The following TET3 variants were observed in gnomAD, a reference collection of about 807,000 sequenced individuals.
The protein encoded by TET3 is methylcytosine dioxygenase TET3.
Under a neutral mutation model 141.4 loss-of-function variants are expected in TET3, and 19 were observed. That is an observed-to-expected ratio of 0.13 (90% CI 0.09 to 0.20). TET3 has a LOEUF of 0.20. TET3 is among the 10% of genes least tolerant of loss of function. The probability of loss-of-function intolerance (pLI) is 1.00; values close to 1 mark genes in which losing one functional copy is unlikely to be tolerated. For synonymous variants in TET3, 1,043 were observed against 980.9 expected (o/e 1.06, Z -1.18); for missense variants, 1,874 against 2,356.9 (o/e 0.80, Z 4.24).
chr2:74,041,238 TC>T (rs1400481991), intron 3 of TET3, among the ~76,000 whole-genome samples: 1 of 152,176 alleles, frequency 6.6e-6, no homozygotes. Flanking sequence ...TCTAATTCCA[TC>T]CCTTAAGGCC....
intron 3 of TET3, among the ~76,000 whole-genome samples, chr2:74,010,807 A>G (rs1302692339): frequency 6.6e-6 from 1 of 152,268 alleles, no homozygotes; most frequent in Non-Finnish European, 1.5e-5. Flanking sequence ...GAAGACAGAC[A>G]TGTCAGACCA....
At chr2:74,123,682 G>A in the TET3 span, among the ~76,000 whole-genome samples, 6 of 152,084 alleles carry the variant, frequency 3.9e-5, no homozygotes, top group Non-Finnish European at 5.9e-5. Flanking sequence ...CCACCACCCC[G>A]TCTGGGAAGT....
rs1459261161 is a variant in TET3 at position 74,046,995 on chromosome 2, A to C, written c.1078A>C (p.Ile360Leu). Residue 360 changes from isoleucine (I) to leucine (L), a missense_variant, in exon 4 of 12, where the codon ATT becomes CTT. This residue lies in a region of TET3 where 366 missense variants were observed against 487.0 expected (regional missense o/e 0.75). Coordinates refer to ENST00000409262, the MANE Select transcript of TET3 (RefSeq NM_001287491.2). This position sits in a 1 kb window ranked among gnomAD's most constrained non-coding sequence, Gnocchi z 4.3. The stretch of plus-strand genomic sequence containing the variant: ...CATCAGCTTGCAGACCGCCATTGCC[A>C]TTGAGGCCCTCACACAGCTCTCCTC... ...KNISLQTAIA[I>L]EALTQLSSAL... is the part of the protein sequence containing the mutation. 6.2e-7 allele frequency: 1 copy of C among 1,613,784 alleles called. No individual in the cohort carries two copies. Among genetic ancestry groups the C allele is most frequent in the Non-Finnish European group, 8.5e-7 (1 of 1,179,852 alleles).
In TET3 at chr2:74,100,626, G is replaced by A. The variant is rs369960930; in HGVS notation, c.3838G>A (p.Ala1280Thr). The part of the protein sequence containing the change: ...TSVNGFHSKY[A>T]LPSFSYYGFP... Reference sequence around the variant, plus strand: ...CGTCAATGGCTTCCACTCCAAGTACGCTCTCCCGTCTTTTAGCTACTATGG... The same window carrying A: ...CGTCAATGGCTTCCACTCCAAGTACACTCTCCCGTCTTTTAGCTACTATGG... Residue 1280 changes from alanine to threonine, a missense_variant, in exon 12 of 12, where the codon GCT becomes ACT. Ala to Thr is a moderately conservative substitution (Grantham distance 58). Around this residue, in one of 10 missense-constraint regions of TET3, gnomAD observed 602 missense variants for 590.2 expected, o/e 1.02. Coordinates refer to ENST00000409262, the MANE Select transcript of TET3 (RefSeq NM_001287491.2). 3.1e-6 allele frequency: 5 copies of A among 1,613,950 alleles called. No homozygotes were observed. Among genetic ancestry groups the A allele is most frequent in the African/African-American group, 1.3e-5 (1 of 75,048 alleles).
At chr2:74,007,374 T>C (rs193076805) in intron 3 of TET3, among the ~76,000 whole-genome samples, 1 of 152,170 alleles carries the variant, frequency 6.6e-6, no homozygotes, top group South Asian at 2.1e-4. Flanking sequence ...GTTTCCCGGA[T>C]CTAGCAATGA....
intron 10 of TET3, among the ~76,000 whole-genome samples, chr2:74,094,489 G>A (rs774612936): frequency 2.4e-4 from 36 of 152,220 alleles, no homozygotes; most frequent in Admixed American, 9.2e-4. Flanking sequence ...TCTCAGCTGG[G>A]CAGCAGTAAG....
the TET3 span, among the ~76,000 whole-genome samples, chr2:74,117,136 A>G: frequency 6.6e-6 from 1 of 152,134 alleles, no homozygotes; most frequent in South Asian, 2.1e-4. Context: ...GAGATAAATC[A>G]GGATTTGTTT....
At chr2:74,133,728 C>T in the TET3 span, among the ~76,000 whole-genome samples, 7 of 152,320 alleles carry the variant, frequency 4.6e-5, no homozygotes, top group South Asian at 2.1e-4. Flanking sequence ...CTGCAGGTCA[C>T]TTTCACTTTA....
Position 74,038,827 on chromosome 2 carries a change from G to T in TET3, c.361-7451G>T, listed in dbSNP as rs368642014. Among the ~76,000 whole-genome samples the T allele has an allele frequency of 1.1e-4, 17 of 152,320 alleles. No homozygotes were observed. The East Asian group carries it at 2.7e-3, about 24-fold the overall frequency. The stretch of plus-strand genomic sequence containing the variant: ...CTTACGAAAAGATCCCTAACAGAAC[G>T]TGGCTGTGCACGGTAACTGTAGGCT... On this transcript the variant is annotated intron_variant, in intron 3 of 11. Transcript: ENST00000409262.
intron 7 of TET3, 89 bp from the exon 8 acceptor site, chr2:74,089,807 GC>G: frequency 6.6e-7 from 1 of 1,525,582 alleles, no homozygotes; most frequent in Non-Finnish European, 8.9e-7. Context: ...GGGTGCCAGG[GC>G]TCAGCAGGGC....
intron 7 of TET3, among the ~76,000 whole-genome samples, chr2:74,089,221 C>T (rs1690339487): frequency 6.6e-6 from 1 of 151,950 alleles, no homozygotes; most frequent in Non-Finnish European, 1.5e-5. Context: ...AGGTTTACCT[C>T]TGTGAGAATG....
the TET3 span, chr2:74,135,395 A>T: frequency 1.1e-6 from 1 of 871,178 alleles, no homozygotes; most frequent in Non-Finnish European, 1.8e-6. Context: ...CTGAAACATT[A>T]CTAATGACCC....
At chr2:73,996,852 A>C (rs748745016) in intron 2 of TET3, among the ~76,000 whole-genome samples, 3 of 152,202 alleles carry the variant, frequency 2.0e-5, no homozygotes, top group African/African-American at 4.8e-5. Flanking sequence ...GGGATCGAAA[A>C]GAAGGCCGGC....
chr2:74,046,195 A>C lies in TET3; in HGVS notation c.361-83A>C. ...CAAGAAAAGTTGGGGTCAGATGTGC[A>C]CCTGAGTGGTATGAAGCAGGGAAAT... On this transcript the variant is annotated intron_variant, in intron 3 of 11. Transcript: ENST00000409262. The surrounding 1 kb of genome is among the most constrained non-coding windows in gnomAD (Gnocchi z 4.3). The C allele has an allele frequency of 7.7e-7, 1 of 1,301,352 alleles. No individual in the cohort carries two copies. Among genetic ancestry groups the C allele is most frequent in the Non-Finnish European group, 1.0e-6 (1 of 989,178 alleles). 80.6% of individuals were successfully genotyped at this position (1,301,352 alleles called of 1,614,324 possible).
At chr2:73,992,875 C>T (rs1006292152) in intron 2 of TET3, among the ~76,000 whole-genome samples, 3 of 152,124 alleles carry the variant, frequency 2.0e-5, no homozygotes, top group African/African-American at 7.2e-5. Flanking sequence ...TTTGAGGGTG[C>T]TTGTGGTTCT....
At chr2:74,048,642 A>G (rs1215860105) in intron 4 of TET3, among the ~76,000 whole-genome samples, 1 of 152,200 alleles carries the variant, frequency 6.6e-6, no homozygotes, top group African/African-American at 2.4e-5. Flanking sequence ...GTGCTTTAAT[A>G]CACAAATGGA....
chr2:74,121,130 T>C, the TET3 span: 2 of 151,892 alleles, frequency 1.3e-5, no homozygotes, highest in African/African-American at 4.8e-5. Flanking sequence ...TAAAAACACG[T>C]TTTTAAAAGT....
chr2:74,061,220 G>A (rs7574332), intron 4 of TET3, among the ~76,000 whole-genome samples: 26,400 of 135,216 alleles, frequency 0.2, 2,715 homozygotes, highest in Non-Finnish European at 0.25. Flanking sequence ...CCTCCCGGAC[G>A]GGGTGGCTGG....
the TET3 span, chr2:74,120,553 G>A: frequency 6.6e-6 from 1 of 152,354 alleles, no homozygotes; most frequent in Admixed American, 6.5e-5. Flanking sequence ...GGGTTCTTCC[G>A]GCCATCTTGT....
Sources: gnomAD v4.1 joint callset for allele counts (sites outside exome capture counted in the v4.1 genomes callset) on GRCh38, gnomAD v4.1.1 for gene constraint, gnomAD v4.1.1 regional missense constraint, Gnocchi (gnomAD v3.1) non-coding constraint, MANE v1.5 for transcripts, NCBI Gene and HGNC (gene_info 2026-07-23, HGNC 2026-07-21) for gene names.